Variants in ADAMTS18 observed in about 807,000 individuals in gnomAD.
ADAMTS18 encodes the protein ADAM metallopeptidase with thrombospondin type 1 motif 18.
ADAMTS18 carries 157 observed loss-of-function variants against 165.9 expected under a neutral mutation model. The observed-to-expected ratio is 0.95, with a 90% CI of 0.83 to 1.08. The LOEUF is 1.08. Among genes scored for constraint, ADAMTS18 ranks in the 50% least tolerant of loss-of-function variants. ADAMTS18 has a pLI of 0.00. For missense variants in ADAMTS18, 2,040 were observed against 1,534.0 expected, an observed-to-expected ratio of 1.33 and a Z score of -5.51; for synonymous variants, 782 against 578.2, an observed-to-expected ratio of 1.35 and a Z score of -5.06.
chr16:77,288,664 A>C (rs2055302792), intron 22 of ADAMTS18, among the ~76,000 whole-genome samples: 1 of 152,156 alleles, frequency 6.6e-6, no homozygotes, highest in Non-Finnish European at 1.5e-5. Flanking sequence ...AAACATGAAC[A>C]TCTTTATATA....
chr16:77,336,108 TAG>T (rs2056306786), intron 11 of ADAMTS18, among the ~76,000 whole-genome samples: 1 of 152,186 alleles, frequency 6.6e-6, no homozygotes, highest in Non-Finnish European at 1.5e-5. Flanking sequence ...GGCTGACATC[TAG>T]AGAGAAGTGG....
intron 3 of ADAMTS18, among the ~76,000 whole-genome samples, chr16:77,407,282 G>A (rs10781983): frequency 0.52 from 78,899 of 151,734 alleles, 21,547 homozygotes; most frequent in Non-Finnish European, 0.62. Flanking sequence ...AACAATCTAA[G>A]AATGAGCAAG....
rs1229445071 is a variant in ADAMTS18, at chr16:77,291,472, C to T, written c.3196G>A (p.Ala1066Thr). The T allele has an allele frequency of 6.2e-6, 10 of 1,614,108 alleles. No homozygotes were observed. The highest frequency in any genetic ancestry group is 8.5e-6 in the Non-Finnish European group (10 of 1,180,008). Residue 1066 changes from alanine (A) to threonine (T), a missense_variant, in exon 21 of 23, where the codon GCA (alanine) becomes ACA (threonine). Ala to Thr is a moderately conservative substitution (Grantham distance 58). Transcript: ENST00000282849. The stretch of plus-strand genomic sequence containing the variant: ...TTCCTCACACCCAAACCACAGGTTG[C>T]AGAACACTAGGAGCCAAGACAGGAT... Reference protein sequence around the residue: ...WVASSWSECSATCGLGVRKRE... With the variant: ...WVASSWSECSTTCGLGVRKRE...
chr16:77,416,686 CT>C (rs952745534), intron 3 of ADAMTS18, among the ~76,000 whole-genome samples: 1 of 152,142 alleles, frequency 6.6e-6, no homozygotes, highest in African/African-American at 2.4e-5. Flanking sequence ...GGTAATTTGT[CT>C]ATTAGCAGCA....
intron 6 of ADAMTS18, among the ~76,000 whole-genome samples, 187 bp downstream of exon 6, chr16:77,363,615 T>C (rs1340846116): frequency 2.0e-5 from 3 of 151,852 alleles, no homozygotes; most frequent in African/African-American, 7.2e-5. Flanking sequence ...TATAAATATT[T>C]TTCTGGTGCT....
rs151326659 is a variant in ADAMTS18, at chr16:77,431,352, C to G, written c.438G>C (p.Gln146His). Residue 146 changes from glutamine (Q) to histidine (H), a missense_variant, in exon 3 of 23, where the codon CAG becomes CAC. By Grantham distance (24) the Gln-to-His change is conservative. Coordinates refer to ENST00000282849, the MANE Select transcript of ADAMTS18 (RefSeq NM_199355.4). ...AGGAGCTGTCATTTCTGATAAATCC[C>G]TGATAGAAGCATTGCTGCACCTCGG... Reference protein sequence around the residue: ...QKPEVQQCFYQGFIRNDSSSS... With the variant: ...QKPEVQQCFYHGFIRNDSSSS... The G allele has an allele frequency of 1.3e-3, 2,136 of 1,614,130 alleles. 2 individuals carry two copies. Among genetic ancestry groups the G allele is most frequent in the Middle Eastern group, 3.6e-3 (22 of 6,062 alleles).
At chr16:77,391,622 G>A (rs1218837931) in intron 3 of ADAMTS18, among the ~76,000 whole-genome samples, 1 of 152,130 alleles carries the variant, frequency 6.6e-6, no homozygotes, top group African/African-American at 2.4e-5. Context: ...ATCCTAATGA[G>A]ATTCAATTCA....
Position 77,291,399 on chromosome 16 carries a change from G to C in ADAMTS18, c.3269C>G (p.Thr1090Ser), listed in dbSNP as rs2055361265. 6 of 1,614,144 alleles carry C rather than the reference G, an allele frequency of 3.7e-6. No individual in the cohort carries two copies. The highest frequency in any genetic ancestry group is 5.1e-6 in the Non-Finnish European group (6 of 1,180,012). Residue 1090 changes from threonine (T) to serine (S), a missense_variant, in exon 21 of 23, where the codon ACT (threonine) becomes AGT (serine). Physicochemically the swap from Thr to Ser is moderately conservative, Grantham distance 58 (BLOSUM62 1). Transcript: ENST00000282849. ...ATTACGGCATCTTCGCTCTGGGAAA[G>C]TTATCAGCTTTCCCTGGAAGCCCTT... is the stretch of plus-strand genomic sequence containing the variant. ...SEKGFQGKLI[T>S]FPERRCRNIK... is the part of the protein sequence containing the mutation.
intron 3 of ADAMTS18, among the ~76,000 whole-genome samples, chr16:77,401,483 T>C (rs1252795266): frequency 6.6e-6 from 1 of 152,166 alleles, no homozygotes; most frequent in African/African-American, 2.4e-5. Flanking sequence ...TTTGCCCAAA[T>C]CCCACAGTCA....
intron 12 of ADAMTS18, among the ~76,000 whole-genome samples, chr16:77,334,811 ACAG>A (rs1391001441): frequency 8.9e-5 from 11 of 123,752 alleles, no homozygotes; most frequent in Non-Finnish European, 1.1e-4. Flanking sequence ...ACTATAGTAT[ACAG>A]TATATATACT....
chr16:77,333,473 A>G (rs1284408425), intron 12 of ADAMTS18, among the ~76,000 whole-genome samples: 1 of 146,350 alleles, frequency 6.8e-6, no homozygotes, highest in Non-Finnish European at 1.5e-5. Flanking sequence ...AAGTAAAATA[A>G]TAATGAAAAA....
Position 77,416,870 on chromosome 16 carries a change from T to C in ADAMTS18, c.495+14425A>G, listed in dbSNP as rs537250896. 8.1e-4 allele frequency among the ~76,000 whole-genome samples: 124 copies of C among 152,206 alleles called. 1 individual carries two copies. In the Middle Eastern group the frequency reaches 0.017, roughly 21 times the overall value. ...GAATCCAGGTGAGAGATGAGAATGA[T>C]TTAGAACAGTGATGGCAGCAGTGGT... On this transcript the variant is annotated intron_variant, in intron 3 of 22. Coordinates refer to ENST00000282849, the MANE Select transcript of ADAMTS18 (RefSeq NM_199355.4).
In ADAMTS18 at chr16:77,283,126, C is replaced by T. The variant is rs370924811; in HGVS notation, c.*830G>A. The T allele has an allele frequency of 6.6e-6, 1 of 152,456 alleles. No individual in the cohort carries two copies. Among genetic ancestry groups the T allele is most frequent in the South Asian group, 2.1e-4 (1 of 4,826 alleles). 9.4% of individuals were successfully genotyped at this position (152,456 alleles called of 1,614,324 possible). On this transcript the variant is annotated 3_prime_UTR_variant, in exon 23 of 23. Coordinates refer to ENST00000282849, the MANE Select transcript of ADAMTS18 (RefSeq NM_199355.4). ...TTAAATACCAGAAATGGGTATGTAG[C>T]ATTCCCAAAGAGCGGGCTGTAGCTT... is the stretch of plus-strand genomic sequence containing the variant.
rs773845998 is a variant in ADAMTS18, at chr16:77,325,927, T to G, written c.1971A>C (p.Glu657Asp). ...SLDFRAQQCA[E>D]YNSKPFRGWF... is the part of the protein sequence containing the mutation. ...ATCCACGGAAAGGTTTGCTGTTATA[T>G]TCTGCACACTGTTGAGCCCGAAAAT... is the stretch of plus-strand genomic sequence containing the variant. The change falls in exon 13 of 23, where the codon GAA becomes GAC. Residue 657 changes from glutamate to aspartate, a missense_variant. Coordinates refer to ENST00000282849, the MANE Select transcript of ADAMTS18 (RefSeq NM_199355.4). 1 of 1,614,150 alleles carries G rather than the reference T, an allele frequency of 6.2e-7. No individual in the cohort carries two copies. Among genetic ancestry groups the G allele is most frequent in the South Asian group, 1.1e-5 (1 of 91,080 alleles).
chr16:77,377,616 C>A (rs993727634), intron 3 of ADAMTS18, among the ~76,000 whole-genome samples: 1 of 152,152 alleles, frequency 6.6e-6, no homozygotes, highest in African/African-American at 2.4e-5. Flanking sequence ...ACAGATAGTA[C>A]AAAGTAGCCC....
chr16:77,390,101 G>A (rs558224831), intron 3 of ADAMTS18, among the ~76,000 whole-genome samples: 2 of 152,218 alleles, frequency 1.3e-5, no homozygotes, highest in Admixed American at 6.5e-5. Flanking sequence ...AGAGAAGAGT[G>A]GCTGTGGCTG....
rs554803445 is a variant in ADAMTS18 at position 77,359,248 on chromosome 16, C to T, written c.1322+70G>A. On this transcript the variant is annotated intron_variant, in intron 8 of 22. Transcript: ENST00000282849. ...TTTGTTCTGCCTAAGTCAACAACAA[C>T]GGTTAGAGGAACACCAATGAATCAC... The T allele has an allele frequency of 3.8e-5, 51 of 1,328,980 alleles. No homozygotes were observed. The African/African-American group carries it at 4.6e-4, about 12-fold the overall frequency. The allele number at this position is 1,328,980 out of a possible 1,614,324, so 82.3% of individuals were successfully genotyped here.
chr16:77,295,289 A>G (rs1239053218), intron 18 of ADAMTS18, among the ~76,000 whole-genome samples, 162 bp from the exon 19 acceptor site: 1 of 152,246 alleles, frequency 6.6e-6, no homozygotes, highest in African/African-American at 2.4e-5. Flanking sequence ...AGAGGCTTAT[A>G]CTAATGTGAT....
intron 12 of ADAMTS18, among the ~76,000 whole-genome samples, chr16:77,330,811 T>C (rs2056176340): frequency 6.6e-6 from 1 of 152,138 alleles, no homozygotes; most frequent in African/African-American, 2.4e-5. Flanking sequence ...CACCTTTATA[T>C]GAAACAGAAA....
Sources: allele counts gnomAD v4.1 joint callset (sites outside exome capture counted in the v4.1 genomes callset), GRCh38; gene constraint gnomAD v4.1.1; transcripts MANE v1.5; gene names NCBI Gene and HGNC (gene_info 2026-07-23, HGNC 2026-07-21).